Variants in PDE1A observed in about 807,000 individuals in gnomAD.
The protein encoded by PDE1A is phosphodiesterase 1A, also known as dual specificity calcium/calmodulin-dependent 3',5'-cyclic nucleotide phosphodiesterase 1A.
In PDE1A, 35 loss-of-function variants were observed where a neutral mutation model predicts 61.7. The ratio of observed to expected loss-of-function variants is 0.57; its 90% CI spans 0.43 to 0.75. The LOEUF is 0.75. PDE1A is among the 30% of genes least tolerant of loss of function. The pLI, the probability that PDE1A is intolerant of heterozygous loss-of-function variation, is 0.00. For missense variants in PDE1A, 597 were observed against 630.6 expected (o/e 0.95, Z 0.57); for synonymous variants, 232 against 213.2 (o/e 1.09, Z -0.77).
the PDE1A span, among the ~76,000 whole-genome samples, chr2:182,543,585 T>G: frequency 6.6e-6 from 1 of 151,576 alleles, no homozygotes; most frequent in Admixed American, 6.5e-5. Context: ...TTTGGGTTAT[T>G]TTATTTTGAA....
At chr2:182,187,851 T>A (rs1685353421) in intron 11 of PDE1A, among the ~76,000 whole-genome samples, 1 of 150,758 alleles carries the variant, frequency 6.6e-6, no homozygotes, top group Non-Finnish European at 1.5e-5. Context: ...TTCAAGTGAT[T>A]CTCATGCCTC....
chr2:182,705,631 A>G, the PDE1A span, among the ~76,000 whole-genome samples: 3 of 152,102 alleles, frequency 2.0e-5, no homozygotes, highest in South Asian at 2.1e-4. Context: ...CTTCTGCCTC[A>G]GCTTCCCAAC....
intron 8 of PDE1A, among the ~76,000 whole-genome samples, chr2:182,204,353 A>T (rs1478791642): frequency 2.6e-5 from 4 of 152,172 alleles, no homozygotes; most frequent in Non-Finnish European, 5.9e-5. Context: ...CTAGACTGTA[A>T]ATCCTCTTGG....
At chr2:182,485,513 T>C (rs188560339) in intron 2 of PDE1A, among the ~76,000 whole-genome samples, 2 of 151,928 alleles carry the variant, frequency 1.3e-5, no homozygotes, top group Admixed American at 1.3e-4. Flanking sequence ...AAACCTAAAA[T>C]AAAAGTTTTT....
At chr2:182,437,790 T>C (rs1170845308) in intron 2 of PDE1A, among the ~76,000 whole-genome samples, 2 of 151,948 alleles carry the variant, frequency 1.3e-5, no homozygotes, top group Non-Finnish European at 2.9e-5. Flanking sequence ...TCATTTTATA[T>C]TTTTATCTTC....
chr2:182,423,638 C>G (rs1347933306), intron 1 of PDE1A, among the ~76,000 whole-genome samples: 1 of 152,176 alleles, frequency 6.6e-6, no homozygotes, highest in Admixed American at 6.5e-5. Context: ...TTCCTGAAAT[C>G]TGTCTCTTCC....
At chr2:182,201,247 C>T (rs1484606213) in intron 10 of PDE1A, among the ~76,000 whole-genome samples, 192 bp downstream of exon 10, 2 of 152,114 alleles carry the variant, frequency 1.3e-5, no homozygotes, top group South Asian at 2.1e-4. Flanking sequence ...CTCTTTAAAA[C>T]ATGTATCACA....
the PDE1A span, among the ~76,000 whole-genome samples, chr2:182,531,220 C>G: frequency 1.4e-3 from 206 of 150,152 alleles, no homozygotes; most frequent in East Asian, 0.01. Context: ...AGAAAGAAAA[C>G]AGAAACAAAA....
At chr2:182,238,490 A>G (rs954897017) in intron 3 of PDE1A, among the ~76,000 whole-genome samples, 2 of 152,032 alleles carry the variant, frequency 1.3e-5, no homozygotes, top group African/African-American at 4.8e-5. Context: ...CATTTGGGTA[A>G]GTAATTGCCA....
intron 2 of PDE1A, among the ~76,000 whole-genome samples, chr2:182,498,882 C>T (rs778575520): frequency 6.6e-6 from 1 of 151,576 alleles, no homozygotes; most frequent in Non-Finnish European, 1.5e-5. Context: ...AGGCGGAGTT[C>T]GCAGTGAGCG....
intron 2 of PDE1A, among the ~76,000 whole-genome samples, chr2:182,458,202 A>T (rs1250009194): frequency 1.3e-5 from 2 of 152,122 alleles, no homozygotes; most frequent in East Asian, 3.9e-4. Context: ...ATCATCAATC[A>T]AATATGAGAA....
the PDE1A span, among the ~76,000 whole-genome samples, chr2:182,681,156 T>G: frequency 1.6e-3 from 242 of 151,614 alleles, 1 homozygote; most frequent in African/African-American, 5.8e-3. Context: ...CTGTTTTTTT[T>G]GTTTTTTTTT....
At chr2:182,512,255 G>A (rs1366021024) in intron 2 of PDE1A, among the ~76,000 whole-genome samples, 1 of 152,142 alleles carries the variant, frequency 6.6e-6, no homozygotes, top group Non-Finnish European at 1.5e-5. Flanking sequence ...TGCAGCAGGT[G>A]CTTAACCTCA....
chr2:182,287,552 G>C (rs1354246469), intron 1 of PDE1A, among the ~76,000 whole-genome samples: 1 of 151,976 alleles, frequency 6.6e-6, no homozygotes, highest in Non-Finnish European at 1.5e-5. Flanking sequence ...AGTAAAGTTT[G>C]ACTCACTAAT....
chr2:182,522,177 C>T, intron 2 of PDE1A: 1 of 948,704 alleles, frequency 1.1e-6, no homozygotes, highest in Non-Finnish European at 1.6e-6. Flanking sequence ...GAAAATCTTT[C>T]TAAAGGAAAC....
chr2:182,476,814 TA>T (rs1431694016), intron 2 of PDE1A, among the ~76,000 whole-genome samples: 1 of 147,928 alleles, frequency 6.8e-6, no homozygotes, highest in Non-Finnish European at 1.5e-5. Flanking sequence ...AATGAAAGAA[TA>T]AAAGACCAAT....
At chr2:182,530,227 T>A in the PDE1A span, among the ~76,000 whole-genome samples, 1 of 117,598 alleles carries the variant, frequency 8.5e-6, no homozygotes, top group African/African-American at 2.6e-5. Context: ...AGAGACAGTA[T>A]CCTTATGAGA....
chr2:182,573,911 TA>T, the PDE1A span, among the ~76,000 whole-genome samples: 2 of 144,770 alleles, frequency 1.4e-5, no homozygotes, highest in South Asian at 2.1e-4. Context: ...ATTTATATAT[TA>T]TATATATTAA....
At chr2:182,618,377 T>C in the PDE1A span, among the ~76,000 whole-genome samples, 6 of 152,318 alleles carry the variant, frequency 3.9e-5, no homozygotes, top group African/African-American at 1.4e-4. Flanking sequence ...AGAGAAATTA[T>C]AATAGCAAGA....
Sources: allele counts gnomAD v4.1 joint callset (sites outside exome capture counted in the v4.1 genomes callset), GRCh38; gene constraint gnomAD v4.1.1; transcripts MANE v1.5; gene names NCBI Gene and HGNC (gene_info 2026-07-23, HGNC 2026-07-21).